Variants in CACNA2D3 observed in about 807,000 individuals in gnomAD.
The protein encoded by CACNA2D3 is calcium voltage-gated channel auxiliary subunit alpha2delta 3, also known as voltage-dependent calcium channel subunit alpha-2/delta-3.
Under a neutral mutation model 160.6 loss-of-function variants are expected in CACNA2D3, and 60 were observed. The observed-to-expected ratio is 0.37, with a 90% CI of 0.30 to 0.46. CACNA2D3 has a LOEUF of 0.46. CACNA2D3 is among the 20% of genes least tolerant of loss of function. CACNA2D3 has a pLI of 1.00. For missense variants in CACNA2D3, 1,205 were observed against 1,365.0 expected, an observed-to-expected ratio of 0.88 and a Z score of 1.85; for synonymous variants, 558 against 492.9, an observed-to-expected ratio of 1.13 and a Z score of -1.75.
chr3:55,074,380 A>G lies in CACNA2D3; in HGVS notation c.*174A>G. 3.4e-6 allele frequency: 2 copies of G among 586,678 alleles called. No homozygotes were observed. The highest frequency in any genetic ancestry group is 6.1e-6 in the Non-Finnish European group (2 of 329,792). The allele number at this position is 586,678 out of a possible 1,614,324, so 36.3% of individuals were successfully genotyped here. A position where few individuals can be genotyped will look rare whatever the true frequency, so the allele number is the denominator to read the frequency against. ...TATAAACTCTTAAAGATATGTTGACAAAAAGTTATCTATCATCTTTTTACT... is the reference window on the plus strand; with the variant it reads ...TATAAACTCTTAAAGATATGTTGACGAAAAGTTATCTATCATCTTTTTACT... On this transcript the variant is annotated 3_prime_UTR_variant, in exon 38 of 38. Coordinates refer to ENST00000474759, the MANE Select transcript of CACNA2D3 (RefSeq NM_018398.3).
At chr3:54,703,511 A>G (rs904233688) in intron 11 of CACNA2D3, among the ~76,000 whole-genome samples, 3 of 152,114 alleles carry the variant, frequency 2.0e-5, no homozygotes, top group Non-Finnish European at 4.4e-5. Context: ...TTAGTTTTGG[A>G]CAAAAGTATT....
chr3:54,747,337 G>A (rs541059497), intron 11 of CACNA2D3, among the ~76,000 whole-genome samples: 9 of 152,240 alleles, frequency 5.9e-5, no homozygotes, highest in African/African-American at 1.7e-4. Context: ...CCTGGCCAGA[G>A]CCACAGTCAT....
intron 4 of CACNA2D3, among the ~76,000 whole-genome samples, chr3:54,390,641 A>G (rs1489252327): frequency 1.3e-5 from 2 of 152,198 alleles, no homozygotes; most frequent in Admixed American, 6.5e-5. Context: ...CCTGTGAAAG[A>G]GAGGCCTTTG....
chr3:54,464,576 G>GC (rs2106854464), intron 4 of CACNA2D3, among the ~76,000 whole-genome samples: 1 of 152,294 alleles, frequency 6.6e-6, no homozygotes, highest in East Asian at 1.9e-4. Context: ...GACCCTCCGA[G>GC]CCAAGTGCGG....
chr3:54,846,719 ATC>A (rs2106775034), intron 17 of CACNA2D3, among the ~76,000 whole-genome samples: 1 of 152,334 alleles, frequency 6.6e-6, no homozygotes, highest in Non-Finnish European at 1.5e-5. Flanking sequence ...TTATTTATTT[ATC>A]TCACATCTGC....
At chr3:54,955,908 C>T (rs991710977) in intron 27 of CACNA2D3, among the ~76,000 whole-genome samples, 1 of 152,154 alleles carries the variant, frequency 6.6e-6, no homozygotes, top group Non-Finnish European at 1.5e-5. Flanking sequence ...ATGGCTTTTC[C>T]AGCCTCGCCA....
intron 11 of CACNA2D3, among the ~76,000 whole-genome samples, chr3:54,690,745 G>A (rs1700555962): frequency 6.6e-6 from 1 of 152,124 alleles, no homozygotes; most frequent in Non-Finnish European, 1.5e-5. Context: ...GAATTTATTT[G>A]TTAAAATATG....
At chr3:54,792,046 C>G (rs1310993059) in intron 13 of CACNA2D3, among the ~76,000 whole-genome samples, 2 of 152,170 alleles carry the variant, frequency 1.3e-5, no homozygotes, top group Non-Finnish European at 2.9e-5. Context: ...AAGAAGCCAT[C>G]TGTATTTTCA....
intron 3 of CACNA2D3, among the ~76,000 whole-genome samples, chr3:54,366,983 A>G (rs758157395): frequency 6.6e-6 from 1 of 152,216 alleles, no homozygotes; most frequent in African/African-American, 2.4e-5. Context: ...AGACTAAGCA[A>G]ACACATTTTG....
At chr3:54,764,153 G>A (rs917028319) in intron 12 of CACNA2D3, 65 bp from the exon 13 acceptor site, 5 of 1,568,086 alleles carry the variant, frequency 3.2e-6, no homozygotes, top group Non-Finnish European at 4.4e-6. Flanking sequence ...CATGGCATAT[G>A]CATATTCCCA....
intron 11 of CACNA2D3, among the ~76,000 whole-genome samples, chr3:54,723,948 T>G (rs902610419): frequency 5.9e-5 from 9 of 152,170 alleles, no homozygotes; most frequent in African/African-American, 2.2e-4. Flanking sequence ...ATGGGCTAAA[T>G]GCCCCAATTA....
chr3:54,869,796 C>T (rs1403242313), intron 17 of CACNA2D3, among the ~76,000 whole-genome samples: 1 of 152,218 alleles, frequency 6.6e-6, no homozygotes, highest in Non-Finnish European at 1.5e-5. Flanking sequence ...CTTTTCTGTT[C>T]AGCCCAAGAC....
intron 32 of CACNA2D3, 111 bp from the exon 33 acceptor site, chr3:55,007,679 T>G: frequency 4.0e-5 from 27 of 679,630 alleles, no homozygotes; most frequent in Non-Finnish European, 6.3e-5. Flanking sequence ...TTTTTTAACA[T>G]GATATCAATC....
Position 54,250,879 on chromosome 3 carries a change from A to G in CACNA2D3, c.205-69563A>G, listed in dbSNP as rs922338220. ...AGAGCTGGGCAGAGAAAGAGGCAAT[A>G]TGCCAGACAGCAGCTGGGTAGTGAG... is the stretch of plus-strand genomic sequence containing the variant. On this transcript the variant is annotated intron_variant, in intron 2 of 37. Transcript: ENST00000474759. Among the ~76,000 whole-genome samples, 3 of 152,304 alleles carry G rather than the reference A, an allele frequency of 2.0e-5. 1 individual carries two copies. The highest frequency in any genetic ancestry group is 4.1e-4 in the South Asian group (2 of 4,820).
At chr3:54,901,974 G>A (rs1333448464) in intron 27 of CACNA2D3, among the ~76,000 whole-genome samples, 2 of 152,158 alleles carry the variant, frequency 1.3e-5, no homozygotes, top group African/African-American at 4.8e-5. Context: ...AAATTAAGTA[G>A]ACACTGTTTA....
At chr3:54,798,827 C>G (rs1265422936) in intron 13 of CACNA2D3, among the ~76,000 whole-genome samples, 1 of 152,200 alleles carries the variant, frequency 6.6e-6, no homozygotes, top group East Asian at 1.9e-4. Flanking sequence ...ACTCTGGGCT[C>G]CAGCTGGTCA....
At chr3:54,560,003 G>C (rs1257721387) in intron 5 of CACNA2D3, among the ~76,000 whole-genome samples, 1 of 152,136 alleles carries the variant, frequency 6.6e-6, no homozygotes, top group African/African-American at 2.4e-5. Flanking sequence ...CATTTAAGTT[G>C]ATTCCATGTC....
At chr3:54,367,880 C>T (rs751458568) in intron 3 of CACNA2D3, among the ~76,000 whole-genome samples, 9 of 152,200 alleles carry the variant, frequency 5.9e-5, no homozygotes, top group Middle Eastern at 3.4e-3. Flanking sequence ...AGAGCCTTGC[C>T]CACCTTGAAC....
intron 2 of CACNA2D3, among the ~76,000 whole-genome samples, chr3:54,209,585 T>C (rs918839383): frequency 4.6e-5 from 7 of 152,204 alleles, no homozygotes; most frequent in African/African-American, 1.7e-4. Context: ...AAAAGCGTAA[T>C]GTGAAAGGCT....
Sources: allele counts gnomAD v4.1 joint callset (sites outside exome capture counted in the v4.1 genomes callset), GRCh38; gene constraint gnomAD v4.1.1; transcripts MANE v1.5; gene names NCBI Gene and HGNC (gene_info 2026-07-23, HGNC 2026-07-21).